ANKHD1: variants seen among roughly 807,000 people sequenced by gnomAD.
The protein encoded by ANKHD1 is ankyrin repeat and KH domain containing 1.
In ANKHD1, 31 loss-of-function variants were observed where a neutral mutation model predicts 230.5. The observed-to-expected ratio is 0.13, with a 90% CI of 0.10 to 0.18. ANKHD1 has a LOEUF of 0.18. Ranked by LOEUF, ANKHD1 falls within the 10% of genes least tolerant of loss-of-function variation. The probability of loss-of-function intolerance (pLI) is 1.00; values close to 1 mark genes in which losing one functional copy is unlikely to be tolerated. For synonymous variants in ANKHD1, 1,074 were observed against 1,117.6 expected, an observed-to-expected ratio of 0.96 and a Z score of 0.78; for missense variants, 2,256 against 3,071.3, an observed-to-expected ratio of 0.73 and a Z score of 6.27.
intron 15 of ANKHD1, among the ~76,000 whole-genome samples, chr5:140,502,610 C>A (rs1752355344): frequency 6.6e-6 from 1 of 151,840 alleles, no homozygotes; most frequent in African/African-American, 2.4e-5. Flanking sequence ...TGTGGGACCA[C>A]TACTGAAGTC....
intron 1 of ANKHD1, among the ~76,000 whole-genome samples, chr5:140,409,065 A>G (rs1479022370): frequency 1.3e-5 from 2 of 152,202 alleles, no homozygotes; most frequent in African/African-American, 4.8e-5. Flanking sequence ...AGACGTTGCC[A>G]AATGTCTCCT....
At chr5:140,518,922 G>A (rs1199561621) in intron 24 of ANKHD1, among the ~76,000 whole-genome samples, 1 of 152,170 alleles carries the variant, frequency 6.6e-6, no homozygotes, top group East Asian at 1.9e-4. Context: ...CATAGTGTTG[G>A]AAGTTCTGGC....
intron 7 of ANKHD1, among the ~76,000 whole-genome samples, chr5:140,454,131 TA>T (rs1181359420): frequency 1.3e-5 from 2 of 152,042 alleles, no homozygotes; most frequent in African/African-American, 2.4e-5. Flanking sequence ...TACATAATGG[TA>T]AAGGGATCAA....
Position 140,441,105 on chromosome 5 carries a change from T to A in ANKHD1, c.876T>A (p.Leu292=), listed in dbSNP as rs763682115. 1 of 1,608,928 alleles carries A rather than the reference T, an allele frequency of 6.2e-7. No homozygotes were observed. Among genetic ancestry groups the A allele is most frequent in the Non-Finnish European group, 8.5e-7 (1 of 1,178,168 alleles). The change falls in exon 5 of 34, where the codon CTT becomes CTA. Residue 292 remains leucine (L), a synonymous_variant. Coordinates refer to ENST00000360839, the MANE Select transcript of ANKHD1 (RefSeq NM_017747.3). ...GGYLDIVKLL[L]LHDADVNSQS... is the part of the protein sequence containing the mutation. ...ACTTAGATATTGTGAAATTATTACT[T>A]CTTCATGATGCTGATGTCAACTCCC... is the stretch of plus-strand genomic sequence containing the variant.
intron 20 of ANKHD1, 123 bp downstream of exon 20, chr5:140,508,121 T>C: frequency 7.7e-7 from 1 of 1,305,866 alleles, no homozygotes; most frequent in South Asian, 1.6e-5. Flanking sequence ...CAATGCAGAG[T>C]TGAGGGATTA....
Position 140,526,925 on chromosome 5 carries a change from TA to T in ANKHD1, c.4941-2del, listed in dbSNP as rs748632466. ...ATTGTACTTGCTATTTGTCTCTTCTTAGACTTGAAGGTGAAGTGACTCCTAA... is the reference window on the plus strand; with the variant it reads ...ATTGTACTTGCTATTTGTCTCTTCTTGACTTGAAGGTGAAGTGACTCCTAA... On this transcript the variant is annotated splice_acceptor_variant, in intron 26 of 33. Transcript: ENST00000360839. LOFTEE classifies it high-confidence loss of function. The T allele has an allele frequency of 6.2e-7, 1 of 1,607,970 alleles. No homozygotes were observed. Among genetic ancestry groups the T allele is most frequent in the Non-Finnish European group, 8.5e-7 (1 of 1,178,206 alleles).
intron 9 of ANKHD1, among the ~76,000 whole-genome samples, chr5:140,460,772 C>T (rs1328001501): frequency 6.6e-6 from 1 of 152,120 alleles, no homozygotes; most frequent in Non-Finnish European, 1.5e-5. Context: ...CCTTCTGCCC[C>T]GGCCTCTCAA....
chr5:140,426,594 G>A (rs1772437654), intron 1 of ANKHD1, among the ~76,000 whole-genome samples: 1 of 151,904 alleles, frequency 6.6e-6, no homozygotes, highest in Admixed American at 6.6e-5. Flanking sequence ...CAGGACAATA[G>A]CGGAGGGAAG....
In ANKHD1 at chr5:140,445,918, A is replaced by G. The variant is rs779400510; in HGVS notation, c.1090A>G (p.Ile364Val). Residue 364 changes from isoleucine (I) to valine (V), a missense_variant, in exon 6 of 34, where the codon ATC becomes GTC. Around this residue, in one of 13 missense-constraint regions of ANKHD1, gnomAD observed 206 missense variants for 304.5 expected, o/e 0.68. Transcript: ENST00000360839. ...AGTTCTTTTAGATCATGGTGCAGGC[A>G]TCAACACTCATTCTAATGAATTCAA... ...ARVLLDHGAG[I>V]NTHSNEFKES... 8.7e-6 allele frequency: 14 copies of G among 1,611,880 alleles called. No homozygotes were observed. The Admixed American group carries it at 1.3e-4, about 15-fold the overall frequency.
At chr5:140,504,295 A>G (rs945248221) in intron 15 of ANKHD1, among the ~76,000 whole-genome samples, 5 of 151,852 alleles carry the variant, frequency 3.3e-5, no homozygotes, top group Admixed American at 6.5e-5. Flanking sequence ...CAGGTGATTC[A>G]CCCGCCTCGG....
At chr5:140,409,799 G>A (rs1486749546) in intron 1 of ANKHD1, among the ~76,000 whole-genome samples, 1 of 151,984 alleles carries the variant, frequency 6.6e-6, no homozygotes, top group African/African-American at 2.4e-5. Context: ...TGATCCACCC[G>A]CCTCAGCCTC....
chr5:140,522,740 G>A (rs557964584), intron 24 of ANKHD1, among the ~76,000 whole-genome samples: 4 of 152,252 alleles, frequency 2.6e-5, no homozygotes, highest in Non-Finnish European at 5.9e-5. Context: ...AGGATTGAAG[G>A]AGTGCCAGAT....
chr5:140,440,948 G>T, intron 4 of ANKHD1, 47 bp from the exon 5 acceptor site: 3 of 1,488,162 alleles, frequency 2.0e-6, no homozygotes, highest in East Asian at 2.5e-5. Context: ...AAATACTATT[G>T]AATAGTAAGA....
intron 22 of ANKHD1, 38 bp downstream of exon 22, chr5:140,510,219 C>A: frequency 6.4e-7 from 1 of 1,550,864 alleles, no homozygotes; most frequent in South Asian, 1.2e-5. Context: ...AATTTTAAGC[C>A]AATTCTAAGT....
chr5:140,490,104 A>G (rs1162981003), intron 14 of ANKHD1, among the ~76,000 whole-genome samples: 1 of 152,000 alleles, frequency 6.6e-6, no homozygotes, highest in Non-Finnish European at 1.5e-5. Context: ...AGCTCCCTTG[A>G]GTGATGAAAT....
At chr5:140,402,962 T>C (rs1041151435) in intron 1 of ANKHD1, among the ~76,000 whole-genome samples, 5 of 142,122 alleles carry the variant, frequency 3.5e-5, no homozygotes, top group Admixed American at 7.2e-5. Context: ...TGGAAACCTC[T>C]TCTTTTTTTT....
intron 9 of ANKHD1, among the ~76,000 whole-genome samples, chr5:140,459,832 T>C (rs1444484540): frequency 6.6e-6 from 1 of 152,202 alleles, no homozygotes; most frequent in Non-Finnish European, 1.5e-5. Context: ...CTTTCTTAAC[T>C]TTAACAATTA....
At position 140,527,034 on chromosome 5, in the gene ANKHD1, G is replaced by T; in HGVS notation, c.5047G>T (p.Gly1683Cys). The T allele has an allele frequency of 6.2e-7, 1 of 1,613,038 alleles. No homozygotes were observed. The highest frequency in any genetic ancestry group is 8.5e-7 in the Non-Finnish European group (1 of 1,179,572). ...GCTGAATCTCACTAGCCCTAAAAGG[G>T]GTCAGAAAAGAGAAGAAGGGTGGAA... ...IKLNLTSPKRGQKREEGWKEV... is the reference protein window; with the variant it reads ...IKLNLTSPKRCQKREEGWKEV... Residue 1683 changes from glycine (G) to cysteine (C), a missense_variant, in exon 27 of 34, where the codon GGT becomes TGT. Coordinates refer to ENST00000360839, the MANE Select transcript of ANKHD1 (RefSeq NM_017747.3). This position sits in a 1 kb window ranked among gnomAD's most constrained non-coding sequence, Gnocchi z 4.5.
chr5:140,537,738 G>T (rs980941078), intron 31 of ANKHD1, 149 bp downstream of exon 31: 2 of 1,271,016 alleles, frequency 1.6e-6, no homozygotes, highest in Non-Finnish European at 2.1e-6. Flanking sequence ...TATCTTTGAG[G>T]AGTTCAGTCC....
Sources: gnomAD v4.1 joint callset for allele counts (sites outside exome capture counted in the v4.1 genomes callset) on GRCh38, gnomAD v4.1.1 for gene constraint, gnomAD v4.1.1 regional missense constraint, Gnocchi (gnomAD v3.1) non-coding constraint, MANE v1.5 for transcripts, NCBI Gene and HGNC (gene_info 2026-07-23, HGNC 2026-07-21) for gene names.